The following VPS13C variants were observed in gnomAD, a reference collection of about 807,000 sequenced individuals.
The protein encoded by VPS13C is vacuolar protein sorting 13 homolog C, also known as intermembrane lipid transfer protein VPS13C.
A neutral mutation model predicts 456.8 loss-of-function variants in VPS13C; 358 were observed. The ratio of observed to expected loss-of-function variants is 0.78; its 90% CI spans 0.72 to 0.86. The LOEUF is 0.86. Among genes scored for constraint, VPS13C ranks in the 40% least tolerant of loss-of-function variants. The probability of loss-of-function intolerance (pLI) is 0.00; values close to 1 mark genes in which losing one functional copy is unlikely to be tolerated. For synonymous variants in VPS13C, 1,578 were observed against 1,486.7 expected (o/e 1.06, Z -1.41); for missense variants, 4,818 against 4,385.4 (o/e 1.10, Z -2.79).
chr15:61,907,270 C>G lies in VPS13C; in HGVS notation c.9099G>C (p.Leu3033=). 6.2e-7 allele frequency: 1 copy of G among 1,613,782 alleles called. No homozygotes were observed. Among genetic ancestry groups the G allele is most frequent in the East Asian group, 2.2e-5 (1 of 44,856 alleles). Residue 3033 remains leucine, a synonymous_variant, in exon 66 of 85, where the codon CTG becomes CTC. Transcript: ENST00000644861. ...CATTCACATCAAAAGATACCTTTAA[C>G]AGATCATGTTCCCCAACATTTGCTG... ...TYAANVGEHD[L]LKDGCGQFPY... is the part of the protein sequence containing the mutation.
chr15:61,862,293 AC>A, intron 82 of VPS13C, among the ~76,000 whole-genome samples: 1 of 152,310 alleles, frequency 6.6e-6, no homozygotes, highest in South Asian at 2.1e-4. Context: ...TACCTCCTAA[AC>A]AACTCCATCA....
chr15:61,915,708 A>T lies in VPS13C; in HGVS notation c.8370T>A (p.His2790Gln). ...RVLQYRSEDI[H>Q]VKHPADFRDI... Reference sequence around the variant, plus strand: ...CCCTGAAATCAGCTGGATGTTTCACATGAATATCTTCTGAACGATACTGGA... The same window carrying T: ...CCCTGAAATCAGCTGGATGTTTCACTTGAATATCTTCTGAACGATACTGGA... Residue 2790 changes from histidine (H) to glutamine (Q), a missense_variant, in exon 61 of 85, where the codon CAT becomes CAA. His to Gln is a conservative substitution (Grantham distance 24, BLOSUM62 0). Transcript: ENST00000644861. The T allele has an allele frequency of 6.2e-7, 1 of 1,612,770 alleles. No homozygotes were observed. Among genetic ancestry groups the T allele is most frequent in the Non-Finnish European group, 8.5e-7 (1 of 1,179,710 alleles).
rs745541227 is a variant in VPS13C, at chr15:61,881,619, G to A, written c.9720C>T (p.Phe3240=). Residue 3240 remains phenylalanine (F), a synonymous_variant, in exon 71 of 85, where the codon TTC becomes TTT. Transcript: ENST00000644861. ...ATCTTGTGATGACACTCACATCAATGAAAGGCTTGGGCTCTAAGAGGAAGA... is the reference window on the plus strand; with the variant it reads ...ATCTTGTGATGACACTCACATCAATAAAAGGCTTGGGCTCTAAGAGGAAGA... ...SIALDSEPKP[F]IDVSVITRFN... 3.1e-6 allele frequency: 5 copies of A among 1,612,502 alleles called. No individual in the cohort carries two copies. In the East Asian group the frequency reaches 1.1e-4, roughly 36 times the overall value.
chr15:61,984,004 G>A lies in VPS13C; in HGVS notation c.1730C>T (p.Ala577Val), dbSNP rs200452364. The A allele has an allele frequency of 1.8e-5, 29 of 1,612,532 alleles. No individual in the cohort carries two copies. The East Asian group carries it at 5.1e-4, about 29-fold the overall frequency. Residue 577 changes from alanine to valine, a missense_variant, in exon 20 of 85, where the codon GCG becomes GTG. Physicochemically the swap from Ala to Val is moderately conservative, Grantham distance 64. This residue lies in a region of VPS13C where 4,552 missense variants were observed against 4,130.6 expected (regional missense o/e 1.10). Transcript: ENST00000644861. Reference protein sequence around the residue: ...RPGAQALKVEAKLEHWYITGL... With the variant: ...RPGAQALKVEVKLEHWYITGL... ...TGTTATATACCAGTGTTCTAATTTC[G>A]CTTCTACCCTATAATCCAATGAAGA...
intron 47 of VPS13C, among the ~76,000 whole-genome samples, chr15:61,937,836 G>A (rs947364112): frequency 6.6e-6 from 1 of 152,078 alleles, no homozygotes; most frequent in African/African-American, 2.4e-5. Context: ...TAAAACAAAC[G>A]AAACTGCTAC....
At chr15:62,016,751 G>T (rs1357647327) in intron 9 of VPS13C, among the ~76,000 whole-genome samples, 5 of 151,944 alleles carry the variant, frequency 3.3e-5, no homozygotes, top group African/African-American at 7.2e-5. Context: ...TGTGTCTTTA[G>T]AGCAGCATGA....
chr15:61,855,248 C>A (rs1427121825), intron 83 of VPS13C, among the ~76,000 whole-genome samples: 1 of 152,136 alleles, frequency 6.6e-6, no homozygotes, highest in Non-Finnish European at 1.5e-5. Flanking sequence ...CTCATCACAT[C>A]TGACAAATCA....
chr15:61,871,240 T>C (rs750696168), intron 79 of VPS13C, among the ~76,000 whole-genome samples: 6 of 152,176 alleles, frequency 3.9e-5, no homozygotes, highest in Non-Finnish European at 5.9e-5. Context: ...CTCTTACATT[T>C]AGGTATTTAA....
In VPS13C at chr15:61,938,285, G is replaced by T. The variant is rs545772863; in HGVS notation, c.5602-1535C>A. Among the ~76,000 whole-genome samples the T allele has an allele frequency of 1.4e-4, 21 of 151,890 alleles. 1 individual carries two copies. In the Middle Eastern group the frequency reaches 0.02, roughly 148 times the overall value. ...TTGCTGTGGGGTGGGGGGGGAACAA[G>T]TATGAAGGACAATTTTGAAAGGCAG... On this transcript the variant is annotated intron_variant, in intron 47 of 84. Transcript: ENST00000644861.
intron 1 of VPS13C, among the ~76,000 whole-genome samples, chr15:62,058,710 T>C (rs1293684295): frequency 6.6e-6 from 1 of 152,184 alleles, no homozygotes; most frequent in East Asian, 1.9e-4. Flanking sequence ...GACTATTGTA[T>C]TGTTGGGCAA....
chr15:61,947,446 A>C, intron 42 of VPS13C, 137 bp from the exon 43 acceptor site: 1 of 545,746 alleles, frequency 1.8e-6, no homozygotes, highest in East Asian at 3.3e-5. Context: ...ATAACATGTA[A>C]TTAACATAAA....
intron 16 of VPS13C, among the ~76,000 whole-genome samples, chr15:61,996,176 C>A (rs575236620): frequency 4.6e-5 from 7 of 152,294 alleles, no homozygotes; most frequent in Admixed American, 4.6e-4. Flanking sequence ...CTAACCCAAA[C>A]CAAAGTAGCA....
At chr15:61,995,532 T>C (rs2046355035) in intron 16 of VPS13C, among the ~76,000 whole-genome samples, 1 of 152,252 alleles carries the variant, frequency 6.6e-6, no homozygotes, top group African/African-American at 2.4e-5. Flanking sequence ...AAGACTTTAG[T>C]GACCATCCTG....
chr15:62,029,687 C>G (rs1470501073), intron 5 of VPS13C, among the ~76,000 whole-genome samples: 2 of 151,882 alleles, frequency 1.3e-5, no homozygotes, highest in African/African-American at 4.8e-5. Flanking sequence ...ACAGGAGGGT[C>G]CAAGGACTCT....
At chr15:62,022,218 C>T (rs1052344436) in intron 8 of VPS13C, among the ~76,000 whole-genome samples, 2 of 151,770 alleles carry the variant, frequency 1.3e-5, no homozygotes, top group Admixed American at 1.3e-4. Flanking sequence ...ACAAACAGTA[C>T]CAAACCCTAA....
chr15:61,876,558 C>T (rs573747600), intron 75 of VPS13C, among the ~76,000 whole-genome samples: 1 of 151,960 alleles, frequency 6.6e-6, no homozygotes, highest in East Asian at 1.9e-4. Flanking sequence ...AGCAATTGTA[C>T]CAAAGTGACC....
chr15:61,979,623 C>T (rs184463288), intron 22 of VPS13C, among the ~76,000 whole-genome samples: 4 of 152,114 alleles, frequency 2.6e-5, no homozygotes, highest in South Asian at 4.1e-4. Flanking sequence ...CATCAATTTG[C>T]GAAGAAAAAC....
chr15:62,048,861 T>C (rs903947468), intron 1 of VPS13C, among the ~76,000 whole-genome samples: 6 of 152,390 alleles, frequency 3.9e-5, no homozygotes, highest in African/African-American at 1.4e-4. Context: ...CCAGTGATGA[T>C]GAGCATTTTT....
intron 17 of VPS13C, 68 bp from the exon 18 acceptor site, chr15:61,991,162 C>A: frequency 8.4e-7 from 1 of 1,192,826 alleles, no homozygotes; most frequent in Non-Finnish European, 1.2e-6. Context: ...AAAGACTAAC[C>A]AAACTAACAA....
Sources: gnomAD v4.1 joint callset for allele counts (sites outside exome capture counted in the v4.1 genomes callset) on GRCh38, gnomAD v4.1.1 for gene constraint, gnomAD v4.1.1 regional missense constraint, MANE v1.5 for transcripts, NCBI Gene and HGNC (gene_info 2026-07-23, HGNC 2026-07-21) for gene names.